The following KCNIP4 variants were observed in gnomAD, a reference collection of about 807,000 sequenced individuals.
KCNIP4 encodes the protein Kv channel-interacting protein 4.
Under a neutral mutation model 34.0 loss-of-function variants are expected in KCNIP4, and 12 were observed. The observed-to-expected ratio is 0.35, with a 90% CI of 0.23 to 0.57. The LOEUF (loss-of-function observed/expected upper bound fraction) is 0.57. Ranked by LOEUF, KCNIP4 falls within the 20% of genes least tolerant of loss-of-function variation. The pLI, the probability that KCNIP4 is intolerant of heterozygous loss-of-function variation, is 0.83. For synonymous variants in KCNIP4, 124 were observed against 102.2 expected (o/e 1.21, Z -1.29); for missense variants, 238 against 311.7 (o/e 0.76, Z 1.78).
intron 3 of KCNIP4, among the ~76,000 whole-genome samples, chr4:20,828,883 C>G (rs1718085707): frequency 6.6e-6 from 1 of 152,170 alleles, no homozygotes; most frequent in Admixed American, 6.5e-5. Context: ...ATAGGACAAA[C>G]ACATTTTTTC....
intron 1 of KCNIP4, among the ~76,000 whole-genome samples, chr4:20,940,745 T>A (rs1731552632): frequency 6.6e-6 from 1 of 152,200 alleles, no homozygotes; most frequent in Non-Finnish European, 1.5e-5. Context: ...TCCAGATAAT[T>A]ATTCTTATCA....
chr4:21,136,670 C>A (rs888521218), intron 1 of KCNIP4, among the ~76,000 whole-genome samples: 2 of 152,206 alleles, frequency 1.3e-5, no homozygotes, highest in Admixed American at 6.5e-5. Context: ...AGAGACATGG[C>A]AGGGAGTCCT....
chr4:21,349,013 C>G (rs570810815), intron 1 of KCNIP4, among the ~76,000 whole-genome samples: 6 of 152,226 alleles, frequency 3.9e-5, no homozygotes, highest in African/African-American at 7.2e-5. Context: ...TGGGAATAAA[C>G]GAGTTGGTTG....
At chr4:21,865,317 A>C (rs545066090) in intron 1 of KCNIP4, among the ~76,000 whole-genome samples, 24 of 152,142 alleles carry the variant, frequency 1.6e-4, no homozygotes, top group East Asian at 1.4e-3. Flanking sequence ...AACAAACAAA[A>C]AAAAAAAGAA....
chr4:21,239,508 T>A (rs1469528053), intron 1 of KCNIP4, among the ~76,000 whole-genome samples: 2 of 151,688 alleles, frequency 1.3e-5, no homozygotes, highest in African/African-American at 4.9e-5. Flanking sequence ...GAATCTACAA[T>A]GAACTCAAGC....
chr4:20,811,333 G>C (rs6820516), intron 3 of KCNIP4, among the ~76,000 whole-genome samples: 32,323 of 152,082 alleles, frequency 0.21, 4,151 homozygotes, highest in Admixed American at 0.29. Flanking sequence ...TGTGTATTTA[G>C]GATCACCTTA....
intron 1 of KCNIP4, chr4:21,845,523 T>C (rs895542041): frequency 5.3e-5 from 8 of 152,070 alleles, no homozygotes; most frequent in African/African-American, 1.9e-4. Flanking sequence ...TCTTAGAAAA[T>C]TCTTTTTTCC....
intron 1 of KCNIP4, among the ~76,000 whole-genome samples, chr4:21,911,649 C>G (rs887261336): frequency 6.4e-5 from 7 of 108,572 alleles, no homozygotes; most frequent in Admixed American, 1.1e-4. Flanking sequence ...CACACACACA[C>G]ACACACAGAG....
chr4:20,802,275 C>CTA (rs143579794), intron 3 of KCNIP4, among the ~76,000 whole-genome samples: 1 of 63,048 alleles, frequency 1.6e-5, no homozygotes, highest in Non-Finnish European at 3.6e-5. Flanking sequence ...TATATATATG[C>CTA]TATATATATA....
At chr4:20,928,248 T>C (rs1466458231) in intron 1 of KCNIP4, among the ~76,000 whole-genome samples, 1 of 151,572 alleles carries the variant, frequency 6.6e-6, no homozygotes, top group Non-Finnish European at 1.5e-5. Context: ...TAGTTTCTTT[T>C]TTTTTTTGTA....
intron 1 of KCNIP4, among the ~76,000 whole-genome samples, chr4:21,157,179 T>C (rs1165064842): frequency 6.6e-6 from 1 of 152,150 alleles, no homozygotes; most frequent in Non-Finnish European, 1.5e-5. Context: ...GAAATAATGC[T>C]GGAAATCTTA....
At chr4:21,594,108 T>C (rs1245148509) in intron 1 of KCNIP4, among the ~76,000 whole-genome samples, 2 of 152,140 alleles carry the variant, frequency 1.3e-5, no homozygotes, top group East Asian at 3.9e-4. Flanking sequence ...CAATACCAAA[T>C]TTCTTGTAAT....
At chr4:21,745,969 A>C (rs1716751007) in intron 1 of KCNIP4, among the ~76,000 whole-genome samples, 1 of 152,248 alleles carries the variant, frequency 6.6e-6, no homozygotes, top group Admixed American at 6.5e-5. Flanking sequence ...CAATAGAAAT[A>C]TATTTTCTCG....
At chr4:21,171,504 G>T (rs535416313) in intron 1 of KCNIP4, among the ~76,000 whole-genome samples, 2 of 152,224 alleles carry the variant, frequency 1.3e-5, no homozygotes, top group South Asian at 2.1e-4. Context: ...GCATTATCAT[G>T]TTTCCATATA....
chr4:21,732,146 G>A (rs997346069), intron 1 of KCNIP4, among the ~76,000 whole-genome samples: 2 of 151,778 alleles, frequency 1.3e-5, no homozygotes, highest in Non-Finnish European at 2.9e-5. Flanking sequence ...TGTAAAATAG[G>A]TGTAATGTGC....
intron 1 of KCNIP4, among the ~76,000 whole-genome samples, chr4:21,683,296 G>T (rs547410690): frequency 4.0e-5 from 6 of 151,894 alleles, no homozygotes; most frequent in Admixed American, 2.6e-4. Flanking sequence ...ATTGTGTCAG[G>T]CTCTATTTTA....
At chr4:21,581,214 A>G (rs190903080) in intron 1 of KCNIP4, among the ~76,000 whole-genome samples, 1 of 152,166 alleles carries the variant, frequency 6.6e-6, no homozygotes, top group Non-Finnish European at 1.5e-5. Context: ...GAGGAACGGC[A>G]TAAAAACAAA....
intron 1 of KCNIP4, among the ~76,000 whole-genome samples, chr4:21,181,784 A>G (rs537913835): frequency 3.3e-5 from 5 of 152,260 alleles, no homozygotes; most frequent in African/African-American, 1.2e-4. Context: ...AGATACTGTA[A>G]TTCTTTCCTT....
intron 1 of KCNIP4, among the ~76,000 whole-genome samples, chr4:21,078,286 C>T (rs1440346862): frequency 5.9e-5 from 9 of 152,078 alleles, no homozygotes; most frequent in African/African-American, 1.9e-4. Flanking sequence ...TCCAACCTGT[C>T]GTAATCAGCT....
Sources: gnomAD v4.1 joint callset for allele counts (sites outside exome capture counted in the v4.1 genomes callset) on GRCh38, gnomAD v4.1.1 for gene constraint, MANE v1.5 for transcripts, NCBI Gene and HGNC (gene_info 2026-07-23, HGNC 2026-07-21) for gene names.